ZMYM2: variants seen among roughly 807,000 people sequenced by gnomAD.
ZMYM2 encodes the protein zinc finger MYM-type protein 2.
Under a neutral mutation model 162.8 loss-of-function variants are expected in ZMYM2, and 56 were observed. The observed-to-expected ratio is 0.34, with a 90% CI of 0.28 to 0.43. The LOEUF (loss-of-function observed/expected upper bound fraction) is 0.43, where lower values mean the gene tolerates loss of function less well. Ranked by LOEUF, ZMYM2 falls within the 20% of genes least tolerant of loss-of-function variation. ZMYM2 has a pLI of 1.00. For synonymous variants in ZMYM2, 510 were observed against 541.6 expected (o/e 0.94, Z 0.81); for missense variants, 1,275 against 1,621.8 (o/e 0.79, Z 3.67).
rs1028859578 is a variant in ZMYM2 at position 20,031,376 on chromosome 13, T to C, written c.1909T>C (p.Leu637=). Residue 637 remains leucine (L), a synonymous_variant, in exon 10 of 25, where the codon TTG becomes CTG. Transcript: ENST00000610343. ...GQFVAPSDIQ[L]KCNYCKNSFC... The stretch of plus-strand genomic sequence containing the variant: ...GTTTGTAGCGCCAAGTGATATTCAG[T>C]TGAAATGCAACTACTGCAAAAATTC... The C allele has an allele frequency of 1.2e-6, 2 of 1,608,154 alleles. No homozygotes were observed. The highest frequency in any genetic ancestry group is 1.7e-6 in the Non-Finnish European group (2 of 1,178,456).
At chr13:19,919,347 C>T in the ZMYM2 span, among the ~76,000 whole-genome samples, 3 of 152,068 alleles carry the variant, frequency 2.0e-5, no homozygotes, top group Non-Finnish European at 2.9e-5. Context: ...GTTTTCATTT[C>T]TCTGGGATAA....
the ZMYM2 span, among the ~76,000 whole-genome samples, chr13:19,874,002 C>T: frequency 6.6e-6 from 1 of 152,174 alleles, no homozygotes; most frequent in Non-Finnish European, 1.5e-5. Context: ...AGGATCACTT[C>T]TCCCATCTGT....
the ZMYM2 span, among the ~76,000 whole-genome samples, chr13:19,884,826 C>T: frequency 6.6e-6 from 1 of 152,076 alleles, no homozygotes; most frequent in Non-Finnish European, 1.5e-5. Context: ...ACAAACATTC[C>T]AGCAGTAAAA....
chr13:20,015,062 T>A (rs539225902), intron 6 of ZMYM2, among the ~76,000 whole-genome samples: 1 of 152,120 alleles, frequency 6.6e-6, no homozygotes. Context: ...TGCCTGGACT[T>A]ACTTTCTTTC....
Position 19,987,268 on chromosome 13 carries a change from AT to A in ZMYM2, c.-10-5785del, listed in dbSNP as rs897673407. Among the ~76,000 whole-genome samples the A allele has an allele frequency of 9.4e-5, 14 of 149,226 alleles. No individual in the cohort carries two copies. The South Asian group carries it at 1.9e-3, about 20-fold the overall frequency. On this transcript the variant is annotated intron_variant, in intron 2 of 24. Transcript: ENST00000610343. ...AATGTAAATAAACAATGCAGCTCTTATTTTTTTTTTCTTGAGACAGAGTCTC... is the reference window on the plus strand; with the variant it reads ...AATGTAAATAAACAATGCAGCTCTTATTTTTTTTTCTTGAGACAGAGTCTC...
intron 2 of ZMYM2, among the ~76,000 whole-genome samples, chr13:19,971,202 T>C (rs1306790824): frequency 6.8e-6 from 1 of 146,498 alleles, no homozygotes; most frequent in East Asian, 2.2e-4. Context: ...AATGTTGTAG[T>C]CTGATTTCAT....
upstream of ZMYM2, among the ~76,000 whole-genome samples, chr13:19,953,956 G>T (rs1288892637): frequency 6.6e-6 from 1 of 151,436 alleles, no homozygotes; most frequent in East Asian, 1.9e-4. Flanking sequence ...ATGCATCTAA[G>T]ACAGTGAAAG....
At chr13:19,866,072 A>C in the ZMYM2 span, among the ~76,000 whole-genome samples, 1 of 150,526 alleles carries the variant, frequency 6.6e-6, no homozygotes, top group African/African-American at 2.4e-5. Flanking sequence ...AATTAAATGA[A>C]TTGGCCGGGC....
At chr13:20,056,404 C>G (rs1955798094) in intron 14 of ZMYM2, among the ~76,000 whole-genome samples, 1 of 152,170 alleles carries the variant, frequency 6.6e-6, no homozygotes. Context: ...GTGCCCATCC[C>G]AATGTAGGAG....
chr13:19,918,495 C>CTTTTTTTTTT, the ZMYM2 span, among the ~76,000 whole-genome samples: 19 of 107,492 alleles, frequency 1.8e-4, no homozygotes, highest in Admixed American at 2.2e-4. Flanking sequence ...TTCTTTCTTT[C>CTTTTTTTTTT]TTTTTTTTTT....
In ZMYM2 at chr13:20,036,268, G is replaced by GTT. The variant is rs11390219; in HGVS notation, c.2120-461_2120-460dup. On this transcript the variant is annotated intron_variant, in intron 11 of 24. Transcript: ENST00000610343. ...TTTCTCTGGGCAAGTCAATAAATCT[G>GTT]TTTTTTTTTCTGAAGGTCCATGTAA... 2.6e-3 allele frequency among the ~76,000 whole-genome samples: 382 copies of GTT among 149,390 alleles called. 1 individual carries two copies. The highest frequency in any genetic ancestry group is 7.5e-3 in the African/African-American group (297 of 39,780).
the ZMYM2 span, among the ~76,000 whole-genome samples, chr13:19,943,643 T>C: frequency 6.6e-6 from 1 of 152,160 alleles, no homozygotes; most frequent in African/African-American, 2.4e-5. Context: ...AATTCTGGGG[T>C]GAGATACCTG....
the ZMYM2 span, among the ~76,000 whole-genome samples, chr13:19,906,775 G>A: frequency 6.6e-6 from 1 of 152,072 alleles, no homozygotes; most frequent in African/African-American, 2.4e-5. Context: ...TGCCAAGGCT[G>A]GTCTTGAACT....
chr13:19,890,507 A>AAAAAAC, the ZMYM2 span, among the ~76,000 whole-genome samples: 1 of 149,550 alleles, frequency 6.7e-6, no homozygotes, highest in African/African-American at 2.5e-5. Flanking sequence ...TGCTTTTGTA[A>AAAAAAC]AAAAAAAAAA....
chr13:19,961,071 A>G (rs143635809), intron 2 of ZMYM2, among the ~76,000 whole-genome samples: 1 of 151,444 alleles, frequency 6.6e-6, no homozygotes, highest in East Asian at 1.9e-4. Context: ...GGTAATACCT[A>G]TGGCGTGTAT....
intron 4 of ZMYM2, among the ~76,000 whole-genome samples, chr13:20,004,171 A>G (rs139701707): frequency 8.3e-4 from 127 of 152,398 alleles, no homozygotes; most frequent in Non-Finnish European, 1.7e-3. Flanking sequence ...GCTTTGCAGT[A>G]GTAAACTTAA....
chr13:20,068,977 A>G (rs931730157), intron 21 of ZMYM2, among the ~76,000 whole-genome samples: 44 of 152,096 alleles, frequency 2.9e-4, no homozygotes, highest in Non-Finnish European at 1.5e-5. Context: ...AACTTTTAAA[A>G]TCAATAAAAA....
At chr13:19,865,763 C>G in the ZMYM2 span, among the ~76,000 whole-genome samples, 1 of 152,164 alleles carries the variant, frequency 6.6e-6, no homozygotes, top group Non-Finnish European at 1.5e-5. Flanking sequence ...AATGAAAACG[C>G]TCACCTCAGT....
intron 6 of ZMYM2, among the ~76,000 whole-genome samples, 184 bp from the exon 7 acceptor site, chr13:20,019,363 G>A (rs1951884490): frequency 1.3e-5 from 2 of 152,030 alleles, no homozygotes; most frequent in Admixed American, 1.3e-4. Flanking sequence ...AAAATTATTT[G>A]ATAATTCTTT....
Sources: allele counts gnomAD v4.1 joint callset (sites outside exome capture counted in the v4.1 genomes callset), GRCh38; gene constraint gnomAD v4.1.1; transcripts MANE v1.5; gene names NCBI Gene and HGNC (gene_info 2026-07-23, HGNC 2026-07-21).